HORMAD2: variants seen among roughly 807,000 people sequenced by gnomAD.
The protein encoded by HORMAD2 is HORMA domain-containing protein 2.
A neutral mutation model predicts 38.8 loss-of-function variants in HORMAD2; 45 were observed. That is an observed-to-expected ratio of 1.16 (90% confidence interval 0.91 to 1.49). The LOEUF is 1.49. Among genes scored for constraint, HORMAD2 ranks in the 40% most tolerant of loss-of-function variants. The pLI is 0.00. For missense variants in HORMAD2, 338 were observed against 367.0 expected (o/e 0.92, Z 0.65); for synonymous variants, 126 against 122.8 (o/e 1.03, Z -0.17).
downstream of HORMAD2, among the ~76,000 whole-genome samples, chr22:30,180,956 C>T (rs1382480154): frequency 1.6e-5 from 2 of 121,324 alleles, no homozygotes; most frequent in Non-Finnish European, 3.5e-5. Flanking sequence ...CCTCTCCTCT[C>T]CTCTCCTCTC....
intron 3 of HORMAD2, among the ~76,000 whole-genome samples, chr22:30,099,658 G>A (rs1183494029): frequency 1.3e-5 from 2 of 152,154 alleles, no homozygotes; most frequent in Admixed American, 6.5e-5. Context: ...AGGCCGAGGC[G>A]AGTGGATCAC....
chr22:30,146,837 A>C (rs1263270566), intron 10 of HORMAD2, among the ~76,000 whole-genome samples: 1 of 152,208 alleles, frequency 6.6e-6, no homozygotes, highest in South Asian at 2.1e-4. Context: ...CTAATATATA[A>C]TACATGAATT....
At chr22:30,165,043 T>A (rs939543854) in intron 10 of HORMAD2, among the ~76,000 whole-genome samples, 11 of 152,222 alleles carry the variant, frequency 7.2e-5, no homozygotes, top group Non-Finnish European at 1.5e-5. Flanking sequence ...TGATTTTCCC[T>A]ATGTTTTCTT....
At chr22:30,160,643 A>G (rs1925385607) in intron 10 of HORMAD2, among the ~76,000 whole-genome samples, 1 of 152,216 alleles carries the variant, frequency 6.6e-6, no homozygotes, top group Non-Finnish European at 1.5e-5. Flanking sequence ...AAGTTTCACT[A>G]TATACCTTTA....
intron 5 of HORMAD2, among the ~76,000 whole-genome samples, chr22:30,108,026 G>A (rs1921336187): frequency 6.6e-6 from 1 of 151,606 alleles, no homozygotes; most frequent in Non-Finnish European, 1.5e-5. Context: ...GTGCCACCAT[G>A]CCTTGCTAAT....
chr22:30,091,278 T>C (rs1208261594), intron 1 of HORMAD2, among the ~76,000 whole-genome samples: 1 of 149,088 alleles, frequency 6.7e-6, no homozygotes, highest in Non-Finnish European at 1.5e-5. Context: ...TTTTTTTTTT[T>C]TTTTTTGACA....
intron 10 of HORMAD2, among the ~76,000 whole-genome samples, chr22:30,160,395 AC>A (rs1448812282): frequency 3.3e-5 from 5 of 152,064 alleles, no homozygotes; most frequent in African/African-American, 7.2e-5. Flanking sequence ...TAGTTCTGTT[AC>A]TTGGTCACAA....
At chr22:30,203,200 G>T in the HORMAD2 span, among the ~76,000 whole-genome samples, 1 of 151,862 alleles carries the variant, frequency 6.6e-6, no homozygotes, top group African/African-American at 2.4e-5. Flanking sequence ...TTTGTGACCA[G>T]CCTGGCCTAT....
the HORMAD2 span, among the ~76,000 whole-genome samples, chr22:30,191,325 A>G: frequency 2.0e-5 from 3 of 152,164 alleles, no homozygotes; most frequent in Non-Finnish European, 2.9e-5. Context: ...AGTCATCAGC[A>G]TTTTTTGATA....
the HORMAD2 span, among the ~76,000 whole-genome samples, chr22:30,190,035 G>A: frequency 1.3e-5 from 2 of 152,238 alleles, no homozygotes; most frequent in East Asian, 3.9e-4. Flanking sequence ...GCTGGCAATG[G>A]TATACTATTC....
the HORMAD2 span, among the ~76,000 whole-genome samples, chr22:30,200,731 G>GTATTAT: frequency 0.17 from 23,624 of 141,312 alleles, 2,015 homozygotes; most frequent in African/African-American, 0.18. Flanking sequence ...CAACAGAAAT[G>GTATTAT]TATTATTATT....
chr22:30,174,801 T>A (rs1211639048), intron 10 of HORMAD2, among the ~76,000 whole-genome samples: 3 of 152,206 alleles, frequency 2.0e-5, no homozygotes, highest in Non-Finnish European at 4.4e-5. Flanking sequence ...ATCTCCTAGA[T>A]AACAACTTGG....
the HORMAD2 span, among the ~76,000 whole-genome samples, chr22:30,191,681 G>T: frequency 1.3e-5 from 2 of 151,836 alleles, no homozygotes; most frequent in Admixed American, 1.3e-4. Flanking sequence ...AAACTAAATT[G>T]TTTTAAATCT....
intron 10 of HORMAD2, 87 bp downstream of exon 10, chr22:30,122,301 T>C (rs1922517224): frequency 1.6e-6 from 2 of 1,268,918 alleles, no homozygotes; most frequent in East Asian, 5.1e-5. Flanking sequence ...GCACGTGGAG[T>C]GTGCCAGCTA....
chr22:30,120,120 G>A (rs1054700908), intron 8 of HORMAD2, among the ~76,000 whole-genome samples: 1 of 152,142 alleles, frequency 6.6e-6, no homozygotes, highest in African/African-American at 2.4e-5. Context: ...TATGCCAAGA[G>A]GTAAGCTGTA....
intron 10 of HORMAD2, among the ~76,000 whole-genome samples, chr22:30,167,204 T>C (rs1925836588): frequency 6.6e-6 from 1 of 152,196 alleles, no homozygotes; most frequent in Non-Finnish European, 1.5e-5. Context: ...TGTGTTCACA[T>C]CTCCCATTGC....
chr22:30,132,638 C>T (rs1299699585), intron 10 of HORMAD2, among the ~76,000 whole-genome samples: 1 of 151,874 alleles, frequency 6.6e-6, no homozygotes, highest in Non-Finnish European at 1.5e-5. Context: ...TTTTGTCAAA[C>T]AGAAAATTAT....
rs1601530392 is a variant in HORMAD2, at chr22:30,112,529, A to G, written c.342+7A>G. ...AGATCCCATGGGATCTGAGGTAAGA[A>G]CACACACAAACGTATAGGTGGGTAG... On this transcript the variant is annotated splice_region_variant and intron_variant, in intron 7 of 10. Transcript: ENST00000336726. The G allele has an allele frequency of 2.3e-6, 3 of 1,309,374 alleles. No individual in the cohort carries two copies. The highest frequency in any genetic ancestry group is 3.1e-6 in the Non-Finnish European group (3 of 976,430). 81.1% of individuals were successfully genotyped at this position (1,309,374 alleles called of 1,614,324 possible). A position where few individuals can be genotyped will look rare whatever the true frequency, so the allele number is the denominator to read the frequency against.
intron 10 of HORMAD2, among the ~76,000 whole-genome samples, chr22:30,149,117 T>C (rs1211393729): frequency 6.6e-6 from 1 of 152,268 alleles, no homozygotes; most frequent in Non-Finnish European, 1.5e-5. Flanking sequence ...AACTGATGCT[T>C]ATGTTATTAT....
Sources: gnomAD v4.1 joint callset for allele counts (sites outside exome capture counted in the v4.1 genomes callset) on GRCh38, gnomAD v4.1.1 for gene constraint, MANE v1.5 for transcripts, NCBI Gene and HGNC (gene_info 2026-07-23, HGNC 2026-07-21) for gene names.